SEL1L3: variants seen among roughly 807,000 people sequenced by gnomAD.
The protein encoded by SEL1L3 is protein sel-1 homolog 3.
SEL1L3 carries 76 observed loss-of-function variants against 142.8 expected under a neutral mutation model. The observed-to-expected ratio is 0.53, with a 90% CI of 0.44 to 0.64. The LOEUF (loss-of-function observed/expected upper bound fraction) is 0.64, where lower values mean the gene tolerates loss of function less well. Ranked by LOEUF, SEL1L3 falls within the 30% of genes least tolerant of loss-of-function variation. SEL1L3 has a pLI of 0.00. For missense variants in SEL1L3, 1,262 were observed against 1,381.7 expected (o/e 0.91, Z 1.37); for synonymous variants, 504 against 519.6 (o/e 0.97, Z 0.41).
chr4:25,818,070 G>A, intron 9 of SEL1L3, 68 bp downstream of exon 9: 1 of 1,507,212 alleles, frequency 6.6e-7, no homozygotes, highest in Non-Finnish European at 9.0e-7. Context: ...CAAAGAGGGT[G>A]AGTGAAACAG....
At chr4:25,835,861 A>G (rs1715783595) in intron 2 of SEL1L3, among the ~76,000 whole-genome samples, 2 of 152,362 alleles carry the variant, frequency 1.3e-5, no homozygotes, top group African/African-American at 4.8e-5. Flanking sequence ...TATTTAGTGT[A>G]CACCGGCAAT....
chr4:25,802,541 C>T, intron 10 of SEL1L3, 79 bp from the exon 11 acceptor site: 1 of 1,210,352 alleles, frequency 8.3e-7, no homozygotes, highest in Middle Eastern at 2.0e-4. Context: ...GGTTGTCAGG[C>T]CCAATTCCTA....
chr4:25,728,535 AC>A, the SEL1L3 span, among the ~76,000 whole-genome samples: 1 of 151,638 alleles, frequency 6.6e-6, no homozygotes, highest in Non-Finnish European at 1.5e-5. Flanking sequence ...GCCCTTTCCT[AC>A]CTACCTGTCC....
At chr4:25,833,221 C>A in intron 4 of SEL1L3, 111 bp from the exon 5 acceptor site, 2 of 745,854 alleles carry the variant, frequency 2.7e-6, no homozygotes, top group South Asian at 3.3e-5. Flanking sequence ...TCCACGAAAA[C>A]AAAGCAAAAC....
chr4:25,733,502 T>C, the SEL1L3 span, among the ~76,000 whole-genome samples: 1 of 147,666 alleles, frequency 6.8e-6, no homozygotes, highest in Non-Finnish European at 1.5e-5. Flanking sequence ...TGTTATAGTA[T>C]TTTTTTTTTA....
chr4:25,841,780 C>A (rs1049747948), intron 2 of SEL1L3, among the ~76,000 whole-genome samples: 2 of 152,022 alleles, frequency 1.3e-5, no homozygotes, highest in African/African-American at 4.8e-5. Context: ...GCCAACATAG[C>A]GAAACACCAT....
Position 25,847,374 on chromosome 4 carries a change from T to C in SEL1L3, c.653A>G (p.His218Arg), listed in dbSNP as rs1185485945. The change falls in exon 2 of 24, where the codon CAT (histidine) becomes CGT (arginine). Residue 218 changes from histidine (H) to arginine (R), a missense_variant. This residue lies in a region of SEL1L3 where 689 missense variants were observed against 692.8 expected (regional missense o/e 0.99). Transcript: ENST00000399878. ...IPPFERPFKD[H>R]QVCLEWNMGY... is the part of the protein sequence containing the mutation. ...CATGTTCCACTCAAGGCACACTTGATGATCTTTGAAAGGGCGTTCAAAAGG... is the reference window on the plus strand; with the variant it reads ...CATGTTCCACTCAAGGCACACTTGACGATCTTTGAAAGGGCGTTCAAAAGG... 6.8e-6 allele frequency: 11 copies of C among 1,613,940 alleles called. No homozygotes were observed. Among genetic ancestry groups the C allele is most frequent in the Non-Finnish European group, 9.3e-6 (11 of 1,179,812 alleles).
At chr4:25,815,718 A>T (rs532828649) in intron 9 of SEL1L3, among the ~76,000 whole-genome samples, 44 of 152,158 alleles carry the variant, frequency 2.9e-4, no homozygotes, top group Non-Finnish European at 4.4e-4. Context: ...CCAGACAACC[A>T]TCCAACGGAA....
At chr4:25,738,732 A>C in the SEL1L3 span, among the ~76,000 whole-genome samples, 1 of 152,142 alleles carries the variant, frequency 6.6e-6, no homozygotes, top group Admixed American at 6.5e-5. Flanking sequence ...CATCATAACC[A>C]TTGTGTGCAA....
intron 9 of SEL1L3, among the ~76,000 whole-genome samples, chr4:25,809,297 G>A (rs1030576870): frequency 2.9e-5 from 4 of 136,978 alleles, no homozygotes; most frequent in African/African-American, 8.9e-5. Flanking sequence ...GATGCACACC[G>A]TGCTTGGCTA....
chr4:25,727,146 G>A, the SEL1L3 span, among the ~76,000 whole-genome samples: 18 of 151,926 alleles, frequency 1.2e-4, no homozygotes, highest in South Asian at 1.0e-3. Context: ...TCCGCCTCCC[G>A]GGTTCAAGCA....
At chr4:25,826,720 C>T (rs978744367) in intron 6 of SEL1L3, among the ~76,000 whole-genome samples, 1 of 152,098 alleles carries the variant, frequency 6.6e-6, no homozygotes, top group Non-Finnish European at 1.5e-5. Flanking sequence ...GGCAGGGTCT[C>T]GCTCTGTCGC....
At chr4:25,831,494 TA>T (rs1192821492) in intron 5 of SEL1L3, among the ~76,000 whole-genome samples, 1 of 107,504 alleles carries the variant, frequency 9.3e-6, no homozygotes, top group African/African-American at 4.6e-5. Flanking sequence ...TATTTTTAAA[TA>T]ATAATAATAA....
At chr4:25,729,050 C>A in the SEL1L3 span, among the ~76,000 whole-genome samples, 1 of 151,788 alleles carries the variant, frequency 6.6e-6, no homozygotes, top group Non-Finnish European at 1.5e-5. Flanking sequence ...TTTTCCCCAA[C>A]CATTAAATGC....
chr4:25,848,658 C>A (rs765473896), intron 1 of SEL1L3, among the ~76,000 whole-genome samples: 17 of 152,272 alleles, frequency 1.1e-4, no homozygotes, highest in East Asian at 3.9e-4. Flanking sequence ...CACTTTGGAC[C>A]ACTGCATATC....
rs559126499 is a variant in SEL1L3, at chr4:25,804,669, C to G, written c.1648G>C (p.Gly550Arg). ...ACGATAGAGCTAATTTGGTGAAGAC[C>G]ATCAATGCTAGAGAGTCTCTTTACA... ...KAVKRLSSIDGLHQISSIVPF... is the reference protein window; with the variant it reads ...KAVKRLSSIDRLHQISSIVPF... Residue 550 changes from glycine (G) to arginine (R), a missense_variant, in exon 10 of 24, where the codon GGT (glycine) becomes CGT (arginine). Gly to Arg is a moderately radical substitution (Grantham distance 125). Transcript: ENST00000399878. The G allele has an allele frequency of 2.5e-6, 4 of 1,613,508 alleles. No individual in the cohort carries two copies. Among genetic ancestry groups the G allele is most frequent in the Non-Finnish European group, 3.4e-6 (4 of 1,179,436 alleles).
intron 5 of SEL1L3, among the ~76,000 whole-genome samples, chr4:25,830,942 C>T (rs1244183018): frequency 6.6e-6 from 1 of 152,170 alleles, no homozygotes. Context: ...GCAGACTATG[C>T]TAGTCCCATC....
chr4:25,820,005 G>A (rs1188823899), intron 7 of SEL1L3, 65 bp from the exon 8 acceptor site: 7 of 1,503,714 alleles, frequency 4.7e-6, no homozygotes. Context: ...ACCTCTAGGA[G>A]GATGTGTTTG....
intron 13 of SEL1L3, among the ~76,000 whole-genome samples, chr4:25,784,813 A>G (rs940752702): frequency 1.3e-5 from 2 of 152,220 alleles, no homozygotes; most frequent in Non-Finnish European, 2.9e-5. Flanking sequence ...CTCAGATGTA[A>G]CTAACAGAAA....
Sources: gnomAD v4.1 joint callset for allele counts (sites outside exome capture counted in the v4.1 genomes callset) on GRCh38, gnomAD v4.1.1 for gene constraint, gnomAD v4.1.1 regional missense constraint, MANE v1.5 for transcripts, NCBI Gene and HGNC (gene_info 2026-07-23, HGNC 2026-07-21) for gene names.